Variants in AKAP13 observed in about 807,000 individuals in gnomAD.
The protein encoded by AKAP13 is A-kinase anchoring protein 13, also known as A-kinase anchor protein 13.
In AKAP13, 80 loss-of-function variants were observed where a neutral mutation model predicts 264.5. The observed-to-expected ratio is 0.30, with a 90% CI of 0.25 to 0.36. AKAP13 has a LOEUF of 0.36. Ranked by LOEUF, AKAP13 falls within the 10% of genes least tolerant of loss-of-function variation. AKAP13 has a pLI of 1.00. For synonymous variants in AKAP13, 1,380 were observed against 1,250.2 expected (o/e 1.10, Z -2.19); for missense variants, 3,712 against 3,435.2 (o/e 1.08, Z -2.01).
intron 1 of AKAP13, among the ~76,000 whole-genome samples, chr15:85,450,337 GA>G (rs1453325280): frequency 6.6e-6 from 1 of 150,662 alleles, no homozygotes; most frequent in African/African-American, 2.4e-5. Context: ...GCGATCTTTT[GA>G]ATGATTTTTC....
chr15:85,603,799 C>T (rs185511328), intron 8 of AKAP13, among the ~76,000 whole-genome samples: 2 of 152,282 alleles, frequency 1.3e-5, no homozygotes, highest in East Asian at 3.9e-4. Context: ...GCAGTGTTAC[C>T]TGTGGTGTCC....
chr15:85,466,197 GTTGT>G (rs943200561), intron 1 of AKAP13, among the ~76,000 whole-genome samples: 3 of 150,294 alleles, frequency 2.0e-5, no homozygotes, highest in African/African-American at 4.9e-5. Context: ...TTTTGATGGG[GTTGT>G]TTGTTTTTTT....
intron 9 of AKAP13, 43 bp from the exon 10 acceptor site, chr15:85,645,775 G>GTTTTTTTTT: frequency 1.5e-6 from 2 of 1,371,586 alleles, no homozygotes; most frequent in Non-Finnish European, 9.6e-7. Flanking sequence ...TGGTTTTTTT[G>GTTTTTTTTT]TTTTTTTTTT....
At chr15:85,652,366 G>A (rs186813783) in intron 10 of AKAP13, among the ~76,000 whole-genome samples, 1 of 152,246 alleles carries the variant, frequency 6.6e-6, no homozygotes, top group East Asian at 1.9e-4. Flanking sequence ...CTATATAACT[G>A]TCTGTGAGTT....
rs1452386853 is a variant in AKAP13 at position 85,631,498 on chromosome 15, TCTCTCACA to T, written c.4162-7874_4162-7867del. 2.1e-3 allele frequency among the ~76,000 whole-genome samples: 138 copies of T among 66,556 alleles called. 1 individual carries two copies. The highest frequency in any genetic ancestry group is 7.1e-3 in the Middle Eastern group (1 of 140). The allele number at this position is 66,556 out of a possible 152,430, so 43.7% of individuals were successfully genotyped here. On this transcript the variant is annotated intron_variant, in intron 8 of 36. Coordinates refer to ENST00000394518, the MANE Select transcript of AKAP13 (RefSeq NM_007200.5). The stretch of plus-strand genomic sequence containing the variant: ...CACACACACTTTCTCTCTCTCTCTC[TCTCTCACA>T]CACACACACACACACACACACACAC...
intron 8 of AKAP13, among the ~76,000 whole-genome samples, chr15:85,634,594 CAT>C (rs1406094893): frequency 1.3e-5 from 2 of 151,986 alleles, no homozygotes; most frequent in African/African-American, 4.8e-5. Context: ...TATAAATTTC[CAT>C]ACAACAAAAT....
At chr15:85,562,140 A>T (rs910696578) in intron 5 of AKAP13, among the ~76,000 whole-genome samples, 3 of 152,246 alleles carry the variant, frequency 2.0e-5, no homozygotes, top group African/African-American at 7.2e-5. Context: ...GATGATGTGT[A>T]CCAAATGCAC....
intron 17 of AKAP13, among the ~76,000 whole-genome samples, chr15:85,696,851 C>CCCCT (rs1567200496): frequency 6.6e-6 from 1 of 152,098 alleles, no homozygotes; most frequent in Non-Finnish European, 1.5e-5. Context: ...GGGACTGAGA[C>CCCCT]CCCTGTATAA....
intron 1 of AKAP13, among the ~76,000 whole-genome samples, chr15:85,467,804 T>G (rs1161026436): frequency 3.9e-5 from 6 of 152,206 alleles, no homozygotes; most frequent in Admixed American, 2.0e-4. Context: ...GGTTGATATT[T>G]CGGCCTGCAA....
intron 8 of AKAP13, among the ~76,000 whole-genome samples, chr15:85,586,699 G>C (rs2079367493): frequency 6.6e-6 from 1 of 152,122 alleles, no homozygotes; most frequent in African/African-American, 2.4e-5. Context: ...GCTGAGGTGG[G>C]TGGATTACCT....
intron 8 of AKAP13, among the ~76,000 whole-genome samples, chr15:85,591,393 A>G (rs756778795): frequency 6.6e-6 from 1 of 152,188 alleles, no homozygotes; most frequent in African/African-American, 2.4e-5. Context: ...GCTTTTGGTA[A>G]TAGTTGGAGA....
intron 20 of AKAP13, among the ~76,000 whole-genome samples, chr15:85,716,278 G>C (rs2086937008): frequency 1.3e-5 from 2 of 152,162 alleles, no homozygotes; most frequent in African/African-American, 2.4e-5. Flanking sequence ...ACCACTTACA[G>C]ATGTCATGCT....
chr15:85,412,274 T>C (rs1293022984), intron 1 of AKAP13, among the ~76,000 whole-genome samples: 2 of 152,368 alleles, frequency 1.3e-5, no homozygotes, highest in East Asian at 3.9e-4. Flanking sequence ...GGAAAAAGAA[T>C]ATTAACAACT....
chr15:85,746,295 A>G lies in AKAP13; in HGVS notation c.*1618A>G, dbSNP rs1054289097. On this transcript the variant is annotated 3_prime_UTR_variant, in exon 37 of 37. Transcript: ENST00000394518. Reference sequence around the variant, plus strand: ...AGCCTACATTTGTTTTATTTATTGTATTTGTGTGTTTGTGTTTGTTTTTTT... The same window carrying G: ...AGCCTACATTTGTTTTATTTATTGTGTTTGTGTGTTTGTGTTTGTTTTTTT... 6.6e-6 allele frequency: 1 copy of G among 152,102 alleles called. No individual in the cohort carries two copies. The highest frequency in any genetic ancestry group is 1.5e-5 in the Non-Finnish European group (1 of 67,964). 9.4% of individuals were successfully genotyped at this position (152,102 alleles called of 1,614,324 possible).
intron 10 of AKAP13, 85 bp downstream of exon 10, chr15:85,646,039 C>T: frequency 6.5e-7 from 1 of 1,528,086 alleles, no homozygotes; most frequent in Non-Finnish European, 8.8e-7. Context: ...CAACTTTTTC[C>T]CCCTCTTGTG....
At position 85,406,390 on chromosome 15, in the gene AKAP13, A is replaced by G. The variant is rs574252407; in HGVS notation, c.-12+25592A>G. 1.7e-3 allele frequency among the ~76,000 whole-genome samples: 213 copies of G among 123,462 alleles called. 12 individuals are homozygous for G. The highest frequency in any genetic ancestry group is 6.9e-3 in the African/African-American group (204 of 29,564). 81.0% of individuals were successfully genotyped at this position (123,462 alleles called of 152,430 possible). A position where few individuals can be genotyped will look rare whatever the true frequency, so the allele number is the denominator to read the frequency against. On this transcript the variant is annotated intron_variant, in intron 1 of 36. Transcript: ENST00000394518. ...ACTAATTTTTGTGACCTTAGACTAG[A>G]AAATAGTTTTTTTTTTTGTTTTTTT...
rs2076288634 is a variant in AKAP13 at position 85,507,932 on chromosome 15, TG to T, written c.34-13491del. Among the ~76,000 whole-genome samples the T allele has an allele frequency of 1.3e-5, 2 of 152,200 alleles. 1 individual carries two copies. The highest frequency in any genetic ancestry group is 4.1e-4 in the South Asian group (2 of 4,830). ...CTTGCCCATGAGGGCGTGGCAGGAA[TG>T]GGGGCCATGGATCCTGGCAAGGATA... On this transcript the variant is annotated intron_variant, in intron 2 of 36. Transcript: ENST00000394518.
intron 17 of AKAP13, among the ~76,000 whole-genome samples, chr15:85,699,193 C>T (rs530274768): frequency 1.4e-4 from 21 of 152,192 alleles, no homozygotes; most frequent in African/African-American, 4.1e-4. Flanking sequence ...GCTGTAATCC[C>T]TGCACTTTGG....
intron 12 of AKAP13, among the ~76,000 whole-genome samples, chr15:85,663,415 T>C (rs1238564020): frequency 2.0e-5 from 3 of 152,200 alleles, no homozygotes; most frequent in Non-Finnish European, 4.4e-5. Flanking sequence ...ATCCATTGTT[T>C]AGTTTACCTA....
Sources: allele counts gnomAD v4.1 joint callset (sites outside exome capture counted in the v4.1 genomes callset), GRCh38; gene constraint gnomAD v4.1.1; transcripts MANE v1.5; gene names NCBI Gene and HGNC (gene_info 2026-07-23, HGNC 2026-07-21).